Variants in DSE observed in about 807,000 individuals in gnomAD.
The protein encoded by DSE is dermatan sulfate epimerase.
Under a neutral mutation model 84.4 loss-of-function variants are expected in DSE, and 36 were observed. The ratio of observed to expected loss-of-function variants is 0.43; its 90% confidence interval spans 0.33 to 0.56. The LOEUF is 0.56. DSE is among the 20% of genes least tolerant of loss of function. DSE has a pLI of 0.06. For missense variants in DSE, 862 were observed against 1,169.6 expected (o/e 0.74, Z 3.84); for synonymous variants, 410 against 430.1 (o/e 0.95, Z 0.58).
intron 2 of DSE, among the ~76,000 whole-genome samples, chr6:116,348,816 TC>T (rs1400415568): frequency 5.9e-5 from 9 of 152,184 alleles, no homozygotes; most frequent in Non-Finnish European, 1.3e-4. Flanking sequence ...TGAGTTCATG[TC>T]CTTTGTAGGG....
chr6:116,262,575 C>T (rs1047074197), intron 2 of DSE, among the ~76,000 whole-genome samples: 2 of 152,172 alleles, frequency 1.3e-5, no homozygotes, highest in Non-Finnish European at 2.9e-5. Flanking sequence ...CTCCTGGATT[C>T]GTTGATCTTT....
intron 2 of DSE, chr6:116,279,812 C>A: frequency 6.2e-7 from 1 of 1,613,018 alleles, no homozygotes; most frequent in Middle Eastern, 1.6e-4. Context: ...GTCCTCTTGA[C>A]CCCATCCAGG....
At position 116,409,308 on chromosome 6, in the gene DSE, G is replaced by T. The variant is rs192137420; in HGVS notation, c.416+9642G>T. On this transcript the variant is annotated intron_variant, in intron 2 of 5. Coordinates refer to ENST00000644252, the MANE Select transcript of DSE (RefSeq NM_013352.4). ...TTTTGTTTTTTGGAGACAGAGTCTCGCTCTGTCGCCCAGGCTGGAGTGCAG... is the reference window on the plus strand; with the variant it reads ...TTTTGTTTTTTGGAGACAGAGTCTCTCTCTGTCGCCCAGGCTGGAGTGCAG... 4.6e-5 allele frequency among the ~76,000 whole-genome samples: 7 copies of T among 152,082 alleles called. No homozygotes were observed. The East Asian group carries it at 1.4e-3, about 29-fold the overall frequency.
intron 1 of DSE, chr6:116,375,476 C>T: frequency 1.0e-6 from 1 of 959,996 alleles, no homozygotes; most frequent in East Asian, 1.2e-4. Context: ...TGCACTCCAG[C>T]CTGGGCGACA....
intron 2 of DSE, among the ~76,000 whole-genome samples, chr6:116,331,191 T>C (rs957655559): frequency 6.6e-6 from 1 of 152,200 alleles, no homozygotes; most frequent in African/African-American, 2.4e-5. Context: ...AAAACTTTCT[T>C]TCTGTGATCA....
rs549056789 is a variant in DSE, at chr6:116,394,755, G to A, written c.-53-4443G>A. 7.2e-5 allele frequency among the ~76,000 whole-genome samples: 11 copies of A among 152,244 alleles called. No homozygotes were observed. The South Asian group carries it at 2.3e-3, about 32-fold the overall frequency. On this transcript the variant is annotated intron_variant, in intron 1 of 5. Transcript: ENST00000644252. ...TGTGTGACATAAGACAAATGAATGG[G>A]AAGAAAAAGTGGATCATGAAAGTTG...
intron 1 of DSE, among the ~76,000 whole-genome samples, chr6:116,394,975 C>A (rs1348624761): frequency 6.6e-6 from 1 of 152,168 alleles, no homozygotes; most frequent in African/African-American, 2.4e-5. Context: ...ATTTAAAGGG[C>A]CTGGGAGTGC....
At position 116,293,278 on chromosome 6, in the gene DSE, C is replaced by CTTTT. The variant is rs5879371; in HGVS notation, c.-54+34320_-54+34323dup. 1.5e-4 allele frequency among the ~76,000 whole-genome samples: 22 copies of CTTTT among 144,318 alleles called. 1 individual carries two copies. The highest frequency in any genetic ancestry group is 4.3e-4 in the African/African-American group (17 of 39,368). 94.7% of individuals were successfully genotyped at this position (144,318 alleles called of 152,430 possible). A position where few individuals can be genotyped will look rare whatever the true frequency, so the allele number is the denominator to read the frequency against. ...TAAAGGTTTTTCCTTTTCTTTTTTT[C>CTTTT]TTTTTTTTTTTTGACACGGAGTCTT... On this transcript the variant is annotated intron_variant, in intron 2 of 3. Transcript: ENST00000430252.
At chr6:116,342,947 A>G (rs565260730) in intron 2 of DSE, among the ~76,000 whole-genome samples, 1 of 152,244 alleles carries the variant, frequency 6.6e-6, no homozygotes, top group African/African-American at 2.4e-5. Context: ...CTTCCACCCT[A>G]ATACTGCGCT....
At chr6:116,433,266 G>A in intron 4 of DSE, 77 bp from the exon 5 acceptor site, 18 of 1,387,664 alleles carry the variant, frequency 1.3e-5, no homozygotes, top group Non-Finnish European at 1.8e-5. Context: ...AACTAGATTT[G>A]AAAAGTCATT....
chr6:116,408,298 T>C (rs557956196), intron 2 of DSE, among the ~76,000 whole-genome samples: 1 of 152,218 alleles, frequency 6.6e-6, no homozygotes, highest in Non-Finnish European at 1.5e-5. Flanking sequence ...AAAACTGTTA[T>C]AGGTTGTTTT....
chr6:116,271,202 A>G (rs964570969), intron 2 of DSE, among the ~76,000 whole-genome samples: 1 of 152,238 alleles, frequency 6.6e-6, no homozygotes, highest in South Asian at 2.1e-4. Context: ...GTTTAGGACA[A>G]TGGTTCCCAA....
At chr6:116,305,066 A>G (rs939857130) in intron 2 of DSE, among the ~76,000 whole-genome samples, 1 of 152,180 alleles carries the variant, frequency 6.6e-6, no homozygotes, top group African/African-American at 2.4e-5. Context: ...TCAAACAAAA[A>G]CAAAATCTGC....
Position 116,442,588 on chromosome 6 carries a change from G to A in DSE, c.*5243G>A, listed in dbSNP as rs2115112106. On this transcript the variant is annotated 3_prime_UTR_variant, in exon 6 of 6. Transcript: ENST00000644252. ...AGTACGAAAAAGCAAACCTGGTTCA[G>A]GAATTCTCCAGACTGGTGGTGTTGG... is the stretch of plus-strand genomic sequence containing the variant. 1 of 152,320 alleles carries A rather than the reference G, an allele frequency of 6.6e-6. No individual in the cohort carries two copies. The highest frequency in any genetic ancestry group is 2.1e-4 in the South Asian group (1 of 4,826). The allele number at this position is 152,320 out of a possible 1,614,324, so 9.4% of individuals were successfully genotyped here.
rs1777175854 is a variant in DSE at position 116,335,312 on chromosome 6, G to C, written c.-53-63886G>C. On this transcript the variant is annotated intron_variant, in intron 2 of 3. Transcript: ENST00000430252. ...TACCACATGTTCTCACTTGTAAGTGGGAGCTAAATGATGAAACCATATAGA... is the reference window on the plus strand; with the variant it reads ...TACCACATGTTCTCACTTGTAAGTGCGAGCTAAATGATGAAACCATATAGA... 2.6e-5 allele frequency among the ~76,000 whole-genome samples: 4 copies of C among 152,178 alleles called. No individual in the cohort carries two copies. In the South Asian group the frequency reaches 8.3e-4, roughly 32 times the overall value.
At chr6:116,383,438 A>G (rs1185915363) in intron 1 of DSE, among the ~76,000 whole-genome samples, 3 of 152,180 alleles carry the variant, frequency 2.0e-5, no homozygotes, top group South Asian at 2.1e-4. Context: ...AGGAGATGCC[A>G]AGAATGGGGC....
chr6:116,418,645 C>G (rs1362572224), intron 2 of DSE, among the ~76,000 whole-genome samples: 4 of 152,180 alleles, frequency 2.6e-5, no homozygotes, highest in African/African-American at 9.7e-5. Flanking sequence ...AGGCTTAGAA[C>G]CCTTGGACCC....
At chr6:116,396,287 G>T (rs1296677939) in intron 1 of DSE, among the ~76,000 whole-genome samples, 1 of 152,164 alleles carries the variant, frequency 6.6e-6, no homozygotes, top group Non-Finnish European at 1.5e-5. Flanking sequence ...GTGTGATATA[G>T]GTATGTGCCA....
At chr6:116,399,773 G>A in intron 2 of DSE, 107 bp downstream of exon 2, 3 of 1,094,078 alleles carry the variant, frequency 2.7e-6, no homozygotes, top group Non-Finnish European at 3.9e-6. Context: ...TTGTGTATGT[G>A]TGTGGGGGGA....
Sources: gnomAD v4.1 joint callset for allele counts (sites outside exome capture counted in the v4.1 genomes callset) on GRCh38, gnomAD v4.1.1 for gene constraint, MANE v1.5 for transcripts, NCBI Gene and HGNC (gene_info 2026-07-23, HGNC 2026-07-21) for gene names.